LRRC4C: variants seen among roughly 807,000 people sequenced by gnomAD.
The protein encoded by LRRC4C is leucine-rich repeat-containing protein 4C.
In LRRC4C, 5 loss-of-function variants were observed where a neutral mutation model predicts 33.6. The ratio of observed to expected loss-of-function variants is 0.15; its 90% CI spans 0.08 to 0.31. LRRC4C has a LOEUF of 0.31. Ranked by LOEUF, LRRC4C falls within the 10% of genes least tolerant of loss-of-function variation. LRRC4C has a pLI of 1.00. For missense variants in LRRC4C, 560 were observed against 796.7 expected (o/e 0.70, Z 3.58); for synonymous variants, 329 against 302.0 (o/e 1.09, Z -0.93).
intron 3 of LRRC4C, among the ~76,000 whole-genome samples, chr11:40,362,628 C>T (rs974148742): frequency 6.6e-6 from 1 of 152,030 alleles, no homozygotes; most frequent in African/African-American, 2.4e-5. Context: ...GCCAAGGAGG[C>T]AGAATTGCTT....
In LRRC4C at chr11:41,315,692, A is replaced by T. The variant is rs534710061; in HGVS notation, c.-496+143739T>A. On this transcript the variant is annotated intron_variant, in intron 1 of 6. Coordinates refer to ENST00000528697, the MANE Select transcript of LRRC4C (RefSeq NM_001258419.2). ...TGCATTCTAACTCATAGAAACTATA[A>T]GGGAATGAATGTTTATGATTGTAGT... Among the ~76,000 whole-genome samples the T allele has an allele frequency of 1.5e-4, 23 of 151,372 alleles. No homozygotes were observed. The East Asian group carries it at 4.0e-3, about 27-fold the overall frequency.
intron 1 of LRRC4C, among the ~76,000 whole-genome samples, chr11:41,142,242 C>A (rs1053258550): frequency 6.6e-5 from 10 of 152,164 alleles, no homozygotes; most frequent in African/African-American, 2.4e-4. Flanking sequence ...GCTCCCTCTG[C>A]TAGGCATTAG....
intron 1 of LRRC4C, among the ~76,000 whole-genome samples, chr11:41,166,255 A>G (rs896871646): frequency 1.3e-5 from 2 of 152,326 alleles, no homozygotes; most frequent in African/African-American, 2.4e-5. Context: ...TTGGTCTTCA[A>G]TGCCTGATAG....
At chr11:40,145,634 C>T (rs925026302) in intron 5 of LRRC4C, among the ~76,000 whole-genome samples, 7 of 152,120 alleles carry the variant, frequency 4.6e-5, no homozygotes, top group Non-Finnish European at 8.8e-5. Flanking sequence ...GCTTAAAATC[C>T]AGTCATGCTG....
Position 41,355,331 on chromosome 11 carries a change from T to G in LRRC4C, c.-496+104100A>C, listed in dbSNP as rs971776887. ...CACAGAGCAATTATGAGCAGAAATA[T>G]GAGTCTAAATTTTATCCACCAAAAT... is the stretch of plus-strand genomic sequence containing the variant. On this transcript the variant is annotated intron_variant, in intron 1 of 6. Coordinates refer to ENST00000528697, the MANE Select transcript of LRRC4C (RefSeq NM_001258419.2). Among the ~76,000 whole-genome samples, 53 of 152,094 alleles carry G rather than the reference T, an allele frequency of 3.5e-4. 1 individual carries two copies. The highest frequency in any genetic ancestry group is 7.4e-5 in the Non-Finnish European group (5 of 67,988).
intron 1 of LRRC4C, among the ~76,000 whole-genome samples, chr11:41,305,138 C>CGGGA (rs1950454633): frequency 1.9e-5 from 1 of 51,952 alleles, no homozygotes; most frequent in Non-Finnish European, 4.8e-5. Flanking sequence ...CCGCCCCGTC[C>CGGGA]GGGAGGTGAG....
intron 1 of LRRC4C, among the ~76,000 whole-genome samples, chr11:40,995,163 A>T (rs1853879531): frequency 6.6e-6 from 1 of 152,150 alleles, no homozygotes; most frequent in Non-Finnish European, 1.5e-5. Context: ...CAGGTACACT[A>T]GGAATCAGAG....
At chr11:41,196,398 A>G (rs1334413669) in intron 1 of LRRC4C, among the ~76,000 whole-genome samples, 3 of 152,092 alleles carry the variant, frequency 2.0e-5, no homozygotes, top group Non-Finnish European at 2.9e-5. Context: ...TCAACATAAG[A>G]GTAATGTGAT....
In LRRC4C at chr11:41,047,169, A is replaced by T. The variant is rs751432264; in HGVS notation, c.-495-113446T>A. On this transcript the variant is annotated intron_variant, in intron 1 of 6. Transcript: ENST00000528697. ...TATTAAAACAACCTCCTACAACTCAACAGTAAAAAGACATATAACATAATT... is the reference window on the plus strand; with the variant it reads ...TATTAAAACAACCTCCTACAACTCATCAGTAAAAAGACATATAACATAATT... Among the ~76,000 whole-genome samples, 60 of 152,230 alleles carry T rather than the reference A, an allele frequency of 3.9e-4. 1 individual carries two copies. Among genetic ancestry groups the T allele is most frequent in the Middle Eastern group, 3.4e-3 (1 of 294 alleles).
Position 40,945,081 on chromosome 11 carries a change from G to T in LRRC4C, c.-495-11358C>A, listed in dbSNP as rs548739759. Among the ~76,000 whole-genome samples the T allele has an allele frequency of 3.5e-3, 501 of 144,618 alleles. 4 individuals carry two copies. Among genetic ancestry groups the T allele is most frequent in the Non-Finnish European group, 5.5e-3 (368 of 66,952 alleles). The allele number at this position is 144,618 out of a possible 152,430, so 94.9% of individuals were successfully genotyped here. ...CTTGCTTTGTCGCCCGGGCTGGAGC[G>T]CAGTGGCGCGATCTCGGCACACTGC... On this transcript the variant is annotated intron_variant, in intron 1 of 6. Coordinates refer to ENST00000528697, the MANE Select transcript of LRRC4C (RefSeq NM_001258419.2).
intron 1 of LRRC4C, among the ~76,000 whole-genome samples, chr11:41,347,286 G>T (rs1951834064): frequency 6.6e-6 from 1 of 152,132 alleles, no homozygotes; most frequent in Non-Finnish European, 1.5e-5. Flanking sequence ...TTAATACCCT[G>T]CCTCTAGTAT....
chr11:40,727,900 T>C (rs961651800), intron 2 of LRRC4C, among the ~76,000 whole-genome samples: 2 of 151,860 alleles, frequency 1.3e-5, no homozygotes, highest in Non-Finnish European at 2.9e-5. Flanking sequence ...AATACAACAA[T>C]GAGCCGAGTG....
intron 5 of LRRC4C, among the ~76,000 whole-genome samples, chr11:40,149,711 GATAAGAAAGAACTTAGAT>G: frequency 6.6e-6 from 1 of 152,192 alleles, no homozygotes; most frequent in East Asian, 1.9e-4. Flanking sequence ...ATTCAAGAAT[GATAAGAAAGAACTTAGAT>G]ATAAAAACAT....
At position 41,094,392 on chromosome 11, in the gene LRRC4C, C is replaced by G. The variant is rs551616635; in HGVS notation, c.-495-160669G>C. On this transcript the variant is annotated intron_variant, in intron 1 of 6. Transcript: ENST00000528697. Reference sequence around the variant, plus strand: ...TACAAAAAATTAGCCGGCCTGGTGGCGTGTGCCTGTAGTCTCAGCTACTCG... The same window carrying G: ...TACAAAAAATTAGCCGGCCTGGTGGGGTGTGCCTGTAGTCTCAGCTACTCG... 1.4e-4 allele frequency among the ~76,000 whole-genome samples: 22 copies of G among 151,936 alleles called. No individual in the cohort carries two copies. In the South Asian group the frequency reaches 4.6e-3, roughly 32 times the overall value.
chr11:41,374,112 G>T (rs192336703), intron 1 of LRRC4C, among the ~76,000 whole-genome samples: 1 of 152,068 alleles, frequency 6.6e-6, no homozygotes, highest in Non-Finnish European at 1.5e-5. Flanking sequence ...CAAACTTCTA[G>T]ACTTGGGACA....
chr11:40,591,217 T>TGGG (rs1448364815), intron 3 of LRRC4C, among the ~76,000 whole-genome samples: 2 of 152,300 alleles, frequency 1.3e-5, no homozygotes, highest in Admixed American at 1.3e-4. Context: ...AAGCGCAGTA[T>TGGG]TCGGGTGGGA....
chr11:41,355,589 T>C (rs1952132604), intron 1 of LRRC4C, among the ~76,000 whole-genome samples: 1 of 152,152 alleles, frequency 6.6e-6, no homozygotes, highest in South Asian at 2.1e-4. Flanking sequence ...GGATTGTTTA[T>C]ACTAATGACC....
chr11:40,183,103 G>T (rs535250999), intron 5 of LRRC4C, among the ~76,000 whole-genome samples: 1 of 152,162 alleles, frequency 6.6e-6, no homozygotes, highest in Admixed American at 6.5e-5. Context: ...AAAATAAAGA[G>T]ATTTTTTAAA....
chr11:41,315,157 C>T (rs1397648800), intron 1 of LRRC4C, among the ~76,000 whole-genome samples: 1 of 152,068 alleles, frequency 6.6e-6, no homozygotes, highest in South Asian at 2.1e-4. Context: ...AAAATGTGCA[C>T]TGAAGATTGT....
Sources: gnomAD v4.1 joint callset for allele counts (sites outside exome capture counted in the v4.1 genomes callset) on GRCh38, gnomAD v4.1.1 for gene constraint, MANE v1.5 for transcripts, NCBI Gene and HGNC (gene_info 2026-07-23, HGNC 2026-07-21) for gene names.